IMMP2L: variants seen among roughly 807,000 people sequenced by gnomAD.
The protein encoded by IMMP2L is mitochondrial inner membrane protease subunit 2.
A neutral mutation model predicts 19.3 loss-of-function variants in IMMP2L; 18 were observed. That is an observed-to-expected ratio of 0.93 (90% confidence interval 0.64 to 1.38). IMMP2L has a LOEUF of 1.38. IMMP2L is among the 40% of genes most tolerant of loss of function. IMMP2L has a pLI of 0.00. For synonymous variants in IMMP2L, 76 were observed against 73.0 expected (o/e 1.04, Z -0.21); for missense variants, 233 against 218.2 (o/e 1.07, Z -0.43).
In IMMP2L at chr7:111,410,822, CAT is replaced by C. The variant is rs1159310180; in HGVS notation, c.239+76414_239+76415del. On this transcript the variant is annotated intron_variant, in intron 3 of 5. Coordinates refer to ENST00000405709, the MANE Select transcript of IMMP2L (RefSeq NM_032549.4). ...CAGAAAATATCAGTGAAGCTGGAAA[CAT>C]AGCAACATAAATTATTTTAAACAAA... Among the ~76,000 whole-genome samples, 13 of 151,352 alleles carry C rather than the reference CAT, an allele frequency of 8.6e-5. No homozygotes were observed. The East Asian group carries it at 2.3e-3, about 27-fold the overall frequency.
At chr7:110,786,679 G>A (rs561130660) in intron 5 of IMMP2L, among the ~76,000 whole-genome samples, 18 of 152,048 alleles carry the variant, frequency 1.2e-4, no homozygotes, top group South Asian at 1.0e-3. Context: ...ACAAATTGGC[G>A]AACAATTAAT....
intron 3 of IMMP2L, among the ~76,000 whole-genome samples, chr7:111,479,066 A>T (rs1274246788): frequency 6.6e-6 from 1 of 152,144 alleles, no homozygotes; most frequent in Non-Finnish European, 1.5e-5. Flanking sequence ...TTCCAATGAA[A>T]AGCTTAGAGT....
intron 5 of IMMP2L, among the ~76,000 whole-genome samples, chr7:110,765,868 A>C (rs1798624270): frequency 1.3e-5 from 2 of 152,260 alleles, no homozygotes; most frequent in South Asian, 2.1e-4. Flanking sequence ...TATTTCCATT[A>C]GATTTTTAAA....
chr7:111,553,171 A>G (rs1790873774), intron 1 of IMMP2L, among the ~76,000 whole-genome samples: 1 of 152,150 alleles, frequency 6.6e-6, no homozygotes, highest in South Asian at 2.1e-4. Flanking sequence ...AGAGAACCCA[A>G]TTTTACATAT....
intron 3 of IMMP2L, among the ~76,000 whole-genome samples, chr7:111,433,175 C>T (rs192264968): frequency 5.9e-4 from 89 of 151,716 alleles, no homozygotes; most frequent in Middle Eastern, 3.4e-3. Context: ...CAGCAGGAGA[C>T]AGAATGAGTG....
chr7:110,739,265 G>A (rs1404888594), intron 5 of IMMP2L, among the ~76,000 whole-genome samples: 2 of 152,086 alleles, frequency 1.3e-5, no homozygotes, highest in African/African-American at 2.4e-5. Flanking sequence ...AAAAGATACA[G>A]AATGGCAGAA....
chr7:111,039,757 T>C (rs184363556), intron 3 of IMMP2L, among the ~76,000 whole-genome samples: 6 of 152,296 alleles, frequency 3.9e-5, no homozygotes, highest in East Asian at 3.9e-4. Flanking sequence ...ATTCCTCCCT[T>C]AATCGTGTGC....
chr7:110,990,938 A>G (rs1822385411), intron 3 of IMMP2L, among the ~76,000 whole-genome samples: 1 of 152,202 alleles, frequency 6.6e-6, no homozygotes, highest in South Asian at 2.1e-4. Flanking sequence ...CCTTTTATTA[A>G]TAGCACATTT....
intron 5 of IMMP2L, among the ~76,000 whole-genome samples, chr7:110,686,965 TCA>T (rs1562916346): frequency 6.6e-6 from 1 of 152,100 alleles, no homozygotes; most frequent in Non-Finnish European, 1.5e-5. Context: ...TCAGGAACCA[TCA>T]CAGTATTATG....
In IMMP2L at chr7:110,849,345, C is replaced by T. The variant is rs113403459; in HGVS notation, c.408+37248G>A. The stretch of plus-strand genomic sequence containing the variant: ...CAGAAATCATAAAACATAAAATAAT[C>T]GAGAGATCTGTCTGTACTTTTAAAA... On this transcript the variant is annotated intron_variant, in intron 5 of 5. Transcript: ENST00000405709. Among the ~76,000 whole-genome samples the T allele has an allele frequency of 4.9e-4, 75 of 152,074 alleles. 1 individual carries two copies. The highest frequency in any genetic ancestry group is 1.6e-3 in the African/African-American group (65 of 41,526).
At chr7:110,843,347 A>G (rs1265978992) in intron 5 of IMMP2L, among the ~76,000 whole-genome samples, 10 of 152,162 alleles carry the variant, frequency 6.6e-5, no homozygotes, top group African/African-American at 2.4e-4. Flanking sequence ...AGATTTAGAC[A>G]TTTGCATAAA....
At chr7:111,554,775 G>T (rs1452057219) in intron 1 of IMMP2L, among the ~76,000 whole-genome samples, 1 of 151,936 alleles carries the variant, frequency 6.6e-6, no homozygotes, top group African/African-American at 2.4e-5. Context: ...CAGCATGCCT[G>T]ACTAATTTTT....
chr7:111,041,290 C>T (rs1274018549), intron 3 of IMMP2L, among the ~76,000 whole-genome samples: 2 of 151,912 alleles, frequency 1.3e-5, no homozygotes, highest in East Asian at 3.9e-4. Flanking sequence ...AAAAAAAGGC[C>T]TTGAAATCAA....
At chr7:111,083,369 G>A (rs1247863342) in intron 3 of IMMP2L, among the ~76,000 whole-genome samples, 1 of 152,108 alleles carries the variant, frequency 6.6e-6, no homozygotes, top group African/African-American at 2.4e-5. Context: ...ATCCAATTAG[G>A]AGAATAAAAA....
chr7:111,211,563 C>T (rs554033595), intron 3 of IMMP2L, among the ~76,000 whole-genome samples: 1 of 152,202 alleles, frequency 6.6e-6, no homozygotes, highest in South Asian at 2.1e-4. Flanking sequence ...GGTATGTGAT[C>T]GGAAACTTGA....
intron 4 of IMMP2L, among the ~76,000 whole-genome samples, chr7:110,900,674 G>A (rs1225519257): frequency 6.6e-6 from 1 of 152,112 alleles, no homozygotes; most frequent in African/African-American, 2.4e-5. Flanking sequence ...TGGACATTTT[G>A]AGCCAAACAA....
intron 3 of IMMP2L, among the ~76,000 whole-genome samples, chr7:111,339,463 G>A (rs1826794120): frequency 6.6e-6 from 1 of 151,438 alleles, no homozygotes; most frequent in Non-Finnish European, 1.5e-5. Context: ...TAAATATATA[G>A]AACATACACC....
chr7:111,033,648 A>G (rs1230243584), intron 3 of IMMP2L, among the ~76,000 whole-genome samples: 5 of 152,220 alleles, frequency 3.3e-5, no homozygotes, highest in Non-Finnish European at 1.5e-5. Context: ...GAAGTAAGCT[A>G]TTAAGTCATG....
At chr7:111,038,706 A>G (rs1399400337) in intron 3 of IMMP2L, among the ~76,000 whole-genome samples, 2 of 152,224 alleles carry the variant, frequency 1.3e-5, no homozygotes, top group Non-Finnish European at 1.5e-5. Context: ...TAAATAATCT[A>G]TGGAGAAGAG....
Sources: gnomAD v4.1 joint callset for allele counts (sites outside exome capture counted in the v4.1 genomes callset) on GRCh38, gnomAD v4.1.1 for gene constraint, MANE v1.5 for transcripts, NCBI Gene and HGNC (gene_info 2026-07-23, HGNC 2026-07-21) for gene names.